Variants in GRID1 observed in about 807,000 individuals in gnomAD.
The protein encoded by GRID1 is glutamate receptor ionotropic, delta-1.
GRID1 carries 28 observed loss-of-function variants against 98.0 expected under a neutral mutation model. The observed-to-expected ratio is 0.29, with a 90% confidence interval of 0.21 to 0.39. The LOEUF (loss-of-function observed/expected upper bound fraction) is 0.39. Among genes scored for constraint, GRID1 ranks in the 10% least tolerant of loss-of-function variants. The probability of loss-of-function intolerance (pLI) is 1.00; values close to 1 mark genes in which losing one functional copy is unlikely to be tolerated. For missense variants in GRID1, 1,111 were observed against 1,340.5 expected (o/e 0.83, Z 2.67); for synonymous variants, 553 against 538.5 (o/e 1.03, Z -0.37).
chr10:86,052,015 T>C (rs1270287077), intron 4 of GRID1, among the ~76,000 whole-genome samples: 2 of 152,230 alleles, frequency 1.3e-5, no homozygotes, highest in Non-Finnish European at 1.5e-5. Context: ...CAATTTTTCA[T>C]AGCACAAGAA....
chr10:85,795,245 G>A (rs1030906277), intron 8 of GRID1, among the ~76,000 whole-genome samples: 1 of 152,152 alleles, frequency 6.6e-6, no homozygotes, highest in Non-Finnish European at 1.5e-5. Context: ...GAGGCCCAAG[G>A]TTTATGTCAA....
intron 8 of GRID1, among the ~76,000 whole-genome samples, chr10:85,816,937 T>A (rs1842721539): frequency 6.6e-6 from 1 of 152,206 alleles, no homozygotes; most frequent in Non-Finnish European, 1.5e-5. Flanking sequence ...AGCTCCCACT[T>A]ATAACTGAGA....
chr10:85,643,891 C>T (rs971725976), intron 13 of GRID1, among the ~76,000 whole-genome samples: 1 of 152,302 alleles, frequency 6.6e-6, no homozygotes. Context: ...TTGTTTGCAT[C>T]GTTTGCTACT....
At chr10:85,617,636 A>G (rs561628557) in intron 14 of GRID1, among the ~76,000 whole-genome samples, 1 of 152,230 alleles carries the variant, frequency 6.6e-6, no homozygotes, top group South Asian at 2.1e-4. Flanking sequence ...CAGGAAGATG[A>G]GGAAACTGTG....
chr10:85,996,391 A>C (rs1373529196), intron 4 of GRID1, among the ~76,000 whole-genome samples: 1 of 152,244 alleles, frequency 6.6e-6, no homozygotes, highest in Non-Finnish European at 1.5e-5. Flanking sequence ...AAACTTTTAA[A>C]AAACCAAATA....
intron 6 of GRID1, among the ~76,000 whole-genome samples, chr10:85,867,328 G>A (rs1843231106): frequency 6.6e-6 from 1 of 152,132 alleles, no homozygotes; most frequent in Non-Finnish European, 1.5e-5. Context: ...AATGATTTAG[G>A]GCATATGAGG....
At chr10:85,797,966 G>T (rs889544172) in intron 8 of GRID1, among the ~76,000 whole-genome samples, 7 of 152,106 alleles carry the variant, frequency 4.6e-5, no homozygotes, top group Non-Finnish European at 8.8e-5. Context: ...TTTTAGTGGT[G>T]CATAGTATTC....
intron 6 of GRID1, among the ~76,000 whole-genome samples, chr10:85,865,942 T>TATATATATATATATATATATACAC: frequency 1.1e-5 from 1 of 94,878 alleles, no homozygotes; most frequent in African/African-American, 4.0e-5. Context: ...TATATATATA[T>TATATATATATATATATATATACAC]ACACATATAT....
chr10:85,878,655 A>G (rs949837869), intron 5 of GRID1, among the ~76,000 whole-genome samples: 1 of 152,260 alleles, frequency 6.6e-6, no homozygotes, highest in African/African-American at 2.4e-5. Context: ...GGTACCAGCC[A>G]CTGCAAAATC....
chr10:85,867,914 G>C (rs774407430), intron 6 of GRID1, among the ~76,000 whole-genome samples: 9 of 152,140 alleles, frequency 5.9e-5, no homozygotes, highest in Non-Finnish European at 8.8e-5. Context: ...CCACATATGA[G>C]ATTATAGAGT....
intron 8 of GRID1, among the ~76,000 whole-genome samples, chr10:85,740,092 A>T (rs1841925532): frequency 6.6e-6 from 1 of 152,094 alleles, no homozygotes; most frequent in African/African-American, 2.4e-5. Context: ...TTGATTTCGT[A>T]CCTCTCTTTA....
rs1283439690 is a variant in GRID1 at position 85,657,033 on chromosome 10, C to T, written c.1998-9636G>A. Among the ~76,000 whole-genome samples the T allele has an allele frequency of 6.6e-5, 10 of 152,250 alleles. No homozygotes were observed. The East Asian group carries it at 1.9e-3, about 29-fold the overall frequency. On this transcript the variant is annotated intron_variant, in intron 12 of 15. Transcript: ENST00000327946. Reference sequence around the variant, plus strand: ...CTGGACCCCAATACATCTGCTCTCGCCGTACCAGCCTCCCTGCCCTCCCAC... The same window carrying T: ...CTGGACCCCAATACATCTGCTCTCGTCGTACCAGCCTCCCTGCCCTCCCAC...
intron 4 of GRID1, among the ~76,000 whole-genome samples, chr10:86,031,087 C>T (rs1843179751): frequency 6.6e-6 from 1 of 152,172 alleles, no homozygotes; most frequent in African/African-American, 2.4e-5. Context: ...GTCCTTTCCG[C>T]TTGGAGACCT....
intron 8 of GRID1, among the ~76,000 whole-genome samples, chr10:85,786,783 T>G (rs1842433400): frequency 1.3e-5 from 2 of 152,194 alleles, no homozygotes; most frequent in Admixed American, 6.5e-5. Flanking sequence ...GGAAGGAGAT[T>G]TGTGCAGAAG....
chr10:85,649,345 C>T (rs965752266), intron 12 of GRID1, among the ~76,000 whole-genome samples: 3 of 152,138 alleles, frequency 2.0e-5, no homozygotes, highest in Non-Finnish European at 4.4e-5. Flanking sequence ...TGAAAGGAAA[C>T]ATAAAATAAC....
intron 12 of GRID1, among the ~76,000 whole-genome samples, chr10:85,698,659 C>G (rs747513537): frequency 6.6e-6 from 1 of 152,184 alleles, no homozygotes; most frequent in Non-Finnish European, 1.5e-5. Context: ...GGCATATATT[C>G]TTAATTCTTT....
At chr10:86,281,790 T>C (rs139378455) in intron 2 of GRID1, among the ~76,000 whole-genome samples, 2 of 152,282 alleles carry the variant, frequency 1.3e-5, no homozygotes, top group African/African-American at 4.8e-5. Flanking sequence ...GATCAGAGCT[T>C]GAGCACACTT....
At chr10:86,285,511 C>T (rs544189212) in intron 2 of GRID1, among the ~76,000 whole-genome samples, 10 of 152,336 alleles carry the variant, frequency 6.6e-5, no homozygotes, top group Admixed American at 1.3e-4. Context: ...GGGCCCCTGC[C>T]GACTGGGTCA....
intron 3 of GRID1, among the ~76,000 whole-genome samples, chr10:86,187,131 A>T (rs1308073041): frequency 6.6e-6 from 1 of 152,164 alleles, no homozygotes; most frequent in East Asian, 1.9e-4. Flanking sequence ...AAGTATGGTC[A>T]TTGGGGGCGG....
Sources: gnomAD v4.1 joint callset for allele counts (sites outside exome capture counted in the v4.1 genomes callset) on GRCh38, gnomAD v4.1.1 for gene constraint, MANE v1.5 for transcripts, NCBI Gene and HGNC (gene_info 2026-07-23, HGNC 2026-07-21) for gene names.